SVEP1: variants seen among roughly 807,000 people sequenced by gnomAD.
The protein encoded by SVEP1 is sushi, von Willebrand factor type A, EGF and pentraxin domain containing 1, also known as sushi, von Willebrand factor type A, EGF and pentraxin domain-containing protein 1.
A neutral mutation model predicts 367.3 loss-of-function variants in SVEP1; 164 were observed. The ratio of observed to expected loss-of-function variants is 0.45; its 90% CI spans 0.39 to 0.51. The LOEUF (loss-of-function observed/expected upper bound fraction) is 0.51, where lower values mean the gene tolerates loss of function less well. Ranked by LOEUF, SVEP1 falls within the 20% of genes least tolerant of loss-of-function variation. The pLI is 0.00. For synonymous variants in SVEP1, 1,666 were observed against 1,611.6 expected, an observed-to-expected ratio of 1.03 and a Z score of -0.81; for missense variants, 4,117 against 4,425.3, an observed-to-expected ratio of 0.93 and a Z score of 1.98.
chr9:110,578,762 AACAGGGTCCT>A (rs1474545232), intron 1 of SVEP1, among the ~76,000 whole-genome samples: 2 of 152,190 alleles, frequency 1.3e-5, no homozygotes, highest in Admixed American at 1.3e-4. Flanking sequence ...ATCCCTTCCT[AACAGGGTCCT>A]CGAAGCCGAC....
At chr9:110,405,039 A>G (rs1395015024) in intron 38 of SVEP1, among the ~76,000 whole-genome samples, 2 of 152,144 alleles carry the variant, frequency 1.3e-5, no homozygotes, top group Admixed American at 6.6e-5. Flanking sequence ...AAACCAAAAA[A>G]CAAAAAACCG....
At chr9:110,468,553 T>A (rs1828971968) in intron 17 of SVEP1, among the ~76,000 whole-genome samples, 1 of 152,202 alleles carries the variant, frequency 6.6e-6, no homozygotes, top group Admixed American at 6.5e-5. Flanking sequence ...AAAACCCTCA[T>A]GTGAGAAATG....
chr9:110,434,313 T>C (rs1828398543), intron 30 of SVEP1, 23 bp downstream of exon 30: 1 of 1,578,962 alleles, frequency 6.3e-7, no homozygotes, highest in Non-Finnish European at 8.6e-7. Flanking sequence ...GTCACTGAAA[T>C]GGCTTCAAGA....
At chr9:110,453,552 T>A (rs770193724) in intron 22 of SVEP1, among the ~76,000 whole-genome samples, 1 of 152,180 alleles carries the variant, frequency 6.6e-6, no homozygotes, top group Admixed American at 6.5e-5. Flanking sequence ...CCAGCATGTG[T>A]TATTTTTTGA....
Position 110,483,591 on chromosome 9 carries a change from T to C in SVEP1, c.2033A>G (p.Asn678Ser), listed in dbSNP as rs1311967750. 4 of 1,608,978 alleles carry C rather than the reference T, an allele frequency of 2.5e-6. No homozygotes were observed. Among genetic ancestry groups the C allele is most frequent in the Admixed American group, 1.7e-5 (1 of 58,842 alleles). Reference sequence around the variant, plus strand: ...CAAAGTCCTTGTCACCTCACCTGAGTTGTCTGAGAACTGAGGCTCATCCCA... The same window carrying C: ...CAAAGTCCTTGTCACCTCACCTGAGCTGTCTGAGAACTGAGGCTCATCCCA... ...ASWDEPQFSD[N>S]SGAELVITRS... Residue 678 changes from asparagine to serine, a missense_variant, in exon 10 of 48, where the codon AAC becomes AGC. Around this residue, in one of 4 missense-constraint regions of SVEP1, gnomAD observed 2,174 missense variants for 2,494.3 expected, o/e 0.87. Coordinates refer to ENST00000374469, the MANE Select transcript of SVEP1 (RefSeq NM_153366.4).
At chr9:110,491,092 ATCAC>A (rs1475484581) in intron 8 of SVEP1, among the ~76,000 whole-genome samples, 1 of 151,968 alleles carries the variant, frequency 6.6e-6, no homozygotes, top group African/African-American at 2.4e-5. Flanking sequence ...CATCTTAAAA[ATCAC>A]TCACTGATTC....
At chr9:110,502,088 TGGAAA>T (rs1220033461) in intron 6 of SVEP1, among the ~76,000 whole-genome samples, 1 of 150,960 alleles carries the variant, frequency 6.6e-6, no homozygotes, top group Non-Finnish European at 1.5e-5. Context: ...CTATATGGTA[TGGAAA>T]GTTCTTAGAA....
intron 40 of SVEP1, among the ~76,000 whole-genome samples, chr9:110,394,155 A>G (rs1827718718): frequency 6.6e-6 from 1 of 152,084 alleles, no homozygotes; most frequent in Admixed American, 6.5e-5. Context: ...CCTCTGAGAC[A>G]AAACTTCCAG....
chr9:110,579,654 G>GA lies in SVEP1; in HGVS notation c.-112_-111insT, dbSNP rs1830671037. The GA allele has an allele frequency of 7.8e-7, 1 of 1,287,688 alleles. No homozygotes were observed. The allele number at this position is 1,287,688 out of a possible 1,614,324, so 79.8% of individuals were successfully genotyped here. A position where few individuals can be genotyped will look rare whatever the true frequency, so the allele number is the denominator to read the frequency against. On this transcript the variant is annotated 5_prime_UTR_variant, in exon 1 of 48. Coordinates refer to ENST00000374469, the MANE Select transcript of SVEP1 (RefSeq NM_153366.4). This position sits in a 1 kb window ranked among gnomAD's most constrained non-coding sequence, Gnocchi z 5.3. Reference sequence around the variant, plus strand: ...CGTGCGCGGAGCTGGGCGCGGGGCAGCGGCCAAGAGCCTCAGCGCCCTTTC... The same window carrying GA: ...CGTGCGCGGAGCTGGGCGCGGGGCAGACGGCCAAGAGCCTCAGCGCCCTTTC...
At chr9:110,544,000 C>T in intron 3 of SVEP1, among the ~76,000 whole-genome samples, 1 of 151,988 alleles carries the variant, frequency 6.6e-6, no homozygotes, top group East Asian at 1.9e-4. Context: ...AGGAGTGATT[C>T]TGCTGGGTGA....
chr9:110,409,459 A>G (rs1828012103), intron 37 of SVEP1, among the ~76,000 whole-genome samples: 1 of 152,148 alleles, frequency 6.6e-6, no homozygotes, highest in Non-Finnish European at 1.5e-5. Flanking sequence ...AGAAAATCAA[A>G]TTAAGTAATC....
At chr9:110,424,592 G>T (rs750034922) in intron 36 of SVEP1, among the ~76,000 whole-genome samples, 2 of 152,174 alleles carry the variant, frequency 1.3e-5, no homozygotes, top group Non-Finnish European at 2.9e-5. Flanking sequence ...AGGTAATGAT[G>T]ACAAGAATTT....
At chr9:110,465,801 C>A in intron 18 of SVEP1, 64 bp downstream of exon 18, 1 of 1,529,942 alleles carries the variant, frequency 6.5e-7, no homozygotes, top group South Asian at 1.2e-5. Flanking sequence ...AGAAAATATG[C>A]CACTCCTTCA....
intron 37 of SVEP1, among the ~76,000 whole-genome samples, chr9:110,410,774 G>C (rs1414056691): frequency 6.6e-6 from 1 of 152,166 alleles, no homozygotes; most frequent in African/African-American, 2.4e-5. Context: ...GTTCATCACA[G>C]TGGGCTGGCC....
At chr9:110,448,602 C>G (rs1003947361) in intron 24 of SVEP1, among the ~76,000 whole-genome samples, 2 of 152,242 alleles carry the variant, frequency 1.3e-5, no homozygotes, top group African/African-American at 4.8e-5. Flanking sequence ...ATATCCTCAT[C>G]TATGAAATAG....
intron 47 of SVEP1, chr9:110,369,471 G>C (rs1827244924): frequency 1.3e-5 from 2 of 152,200 alleles, no homozygotes; most frequent in Non-Finnish European, 2.9e-5. Context: ...AACATCTATT[G>C]GGTCATTTTC....
intron 3 of SVEP1, among the ~76,000 whole-genome samples, chr9:110,537,711 G>T (rs1011320798): frequency 2.6e-5 from 4 of 151,808 alleles, no homozygotes; most frequent in African/African-American, 9.7e-5. Flanking sequence ...ATTTTAGTAG[G>T]TATATTTGAA....
intron 39 of SVEP1, 112 bp downstream of exon 39, chr9:110,404,215 A>G: frequency 9.9e-7 from 1 of 1,010,044 alleles, no homozygotes; most frequent in Non-Finnish European, 1.5e-6. Context: ...CTTTGAAATG[A>G]GTGAAAACTT....
intron 1 of SVEP1, among the ~76,000 whole-genome samples, chr9:110,570,970 C>CT (rs374900472): frequency 0.12 from 13,088 of 113,152 alleles, 1,127 homozygotes; most frequent in East Asian, 0.27. Context: ...CAGATGGCTC[C>CT]TTTTTTTTTT....
Sources: allele counts gnomAD v4.1 joint callset (sites outside exome capture counted in the v4.1 genomes callset), GRCh38; gene constraint gnomAD v4.1.1; regional missense constraint gnomAD v4.1.1; non-coding constraint Gnocchi (gnomAD v3.1); transcripts MANE v1.5; gene names NCBI Gene and HGNC (gene_info 2026-07-23, HGNC 2026-07-21).